SLC25A40: variants seen among roughly 807,000 people sequenced by gnomAD.
SLC25A40 encodes the protein mitochondrial glutathione transporter SLC25A40.
SLC25A40 carries 41 observed loss-of-function variants against 46.5 expected under a neutral mutation model. That is an observed-to-expected ratio of 0.88 (90% CI 0.69 to 1.14). SLC25A40 has a LOEUF of 1.14. SLC25A40 is among the 50% of genes most tolerant of loss of function. The probability of loss-of-function intolerance (pLI) is 0.00; values close to 1 mark genes in which losing one functional copy is unlikely to be tolerated. For synonymous variants in SLC25A40, 126 were observed against 127.5 expected (o/e 0.99, Z 0.08); for missense variants, 386 against 393.6 (o/e 0.98, Z 0.16).
chr7:87,846,159 TTAAAC>T (rs1244378500), intron 8 of SLC25A40, among the ~76,000 whole-genome samples: 1 of 152,136 alleles, frequency 6.6e-6, no homozygotes, highest in African/African-American at 2.4e-5. Context: ...CAAAAATAGG[TTAAAC>T]TAAACAATAT....
intron 1 of SLC25A40, among the ~76,000 whole-genome samples, chr7:87,864,545 T>C (rs1838759170): frequency 6.6e-6 from 1 of 152,242 alleles, no homozygotes. Flanking sequence ...TCTTGCTAAA[T>C]TGACCCCTTT....
At chr7:87,842,037 T>C (rs1387877225) in intron 9 of SLC25A40, 9 of 379,736 alleles carry the variant, frequency 2.4e-5, no homozygotes, top group Non-Finnish European at 4.8e-5. Context: ...TGTGTTCTAT[T>C]ATTCCTTTAC....
At chr7:87,841,521 A>G in intron 10 of SLC25A40, 112 bp downstream of exon 10, 1 of 570,936 alleles carries the variant, frequency 1.8e-6, no homozygotes, top group Non-Finnish European at 2.8e-6. Context: ...AAATACACAA[A>G]GAATAATGCA....
rs759989515 is a variant in SLC25A40, at chr7:87,847,099, G to A, written c.481C>T (p.Pro161Ser). 6.2e-7 allele frequency: 1 copy of A among 1,609,898 alleles called. No individual in the cohort carries two copies. Among genetic ancestry groups the A allele is most frequent in the Non-Finnish European group, 8.5e-7 (1 of 1,178,178 alleles). ...ATCTTGGTTCTAATCAATTCTAGTGGACTTATCACAGTTACTGCACCAACT... is the reference window on the plus strand; with the variant it reads ...ATCTTGGTTCTAATCAATTCTAGTGAACTTATCACAGTTACTGCACCAACT... ...ARFGAVTVISPLELIRTKMQS... is the reference protein window; with the variant it reads ...ARFGAVTVISSLELIRTKMQS... The change falls in exon 8 of 12, where the codon CCA (proline) becomes TCA (serine). Residue 161 changes from proline to serine, a missense_variant. Physicochemically the swap from Pro to Ser is moderately conservative, Grantham distance 74. Transcript: ENST00000341119.
intron 1 of SLC25A40, among the ~76,000 whole-genome samples, chr7:87,864,922 A>C (rs1253107920): frequency 6.7e-6 from 1 of 150,090 alleles, no homozygotes; most frequent in African/African-American, 2.4e-5. Flanking sequence ...TTTGTGGCTA[A>C]GTGATTTTCT....
intron 1 of SLC25A40, among the ~76,000 whole-genome samples, chr7:87,867,614 G>A (rs1838824352): frequency 6.6e-6 from 1 of 152,038 alleles, no homozygotes; most frequent in Non-Finnish European, 1.5e-5. Flanking sequence ...GTCTTTTTGG[G>A]GAGGTCACTG....
At chr7:87,841,496 A>G in intron 10 of SLC25A40, 137 bp downstream of exon 10, 1 of 481,370 alleles carries the variant, frequency 2.1e-6, no homozygotes, top group Non-Finnish European at 3.5e-6. Flanking sequence ...TTCTAACAGT[A>G]TATTACTTTC....
At chr7:87,856,669 T>A (rs1236109698) in intron 3 of SLC25A40, among the ~76,000 whole-genome samples, 3 of 152,140 alleles carry the variant, frequency 2.0e-5, no homozygotes, top group Non-Finnish European at 4.4e-5. Context: ...AAGTAAAAGT[T>A]CCAAAAGACT....
At position 87,849,926 on chromosome 7, in the gene SLC25A40, C is replaced by G; in HGVS notation, c.287G>C (p.Arg96Pro). The G allele has an allele frequency of 6.3e-7, 1 of 1,596,578 alleles. No individual in the cohort carries two copies. The highest frequency in any genetic ancestry group is 8.5e-7 in the Non-Finnish European group (1 of 1,172,460). The change falls in exon 6 of 12, where the codon CGA (arginine) becomes CCA (proline). Residue 96 changes from arginine to proline, a missense_variant. Physicochemically the swap from Arg to Pro is moderately radical, Grantham distance 103. Coordinates refer to ENST00000341119, the MANE Select transcript of SLC25A40 (RefSeq NM_018843.4). ...CCATAGAGATTTAATGCCCTCATTT[C>G]GAATGATTTTAAAAAATGCATCCTA... ...GTLDAFFKII[R>P]NEGIKSLWSG...
intron 1 of SLC25A40, among the ~76,000 whole-genome samples, chr7:87,863,135 G>C (rs1355991065): frequency 2.6e-5 from 4 of 152,032 alleles, no homozygotes; most frequent in Non-Finnish European, 5.9e-5. Flanking sequence ...TGATGTTAAG[G>C]CATGTATACT....
At chr7:87,860,715 C>T (rs1838683214) in intron 1 of SLC25A40, 75 bp from the exon 2 acceptor site, 1 of 152,080 alleles carries the variant, frequency 6.6e-6, no homozygotes, top group African/African-American at 2.4e-5. Context: ...GAAAAGAGTA[C>T]ATAAAAACTT....
At chr7:87,856,246 A>T (rs762796022) in intron 4 of SLC25A40, 46 bp downstream of exon 4, 2 of 1,449,314 alleles carry the variant, frequency 1.4e-6, no homozygotes, top group Non-Finnish European at 1.9e-6. Context: ...CCACAGGAAC[A>T]TTTAAAAATC....
chr7:87,869,536 CAA>C (rs57979424), intron 1 of SLC25A40, among the ~76,000 whole-genome samples: 6 of 135,910 alleles, frequency 4.4e-5, no homozygotes, highest in African/African-American at 2.7e-5. Context: ...GACCCTGTTC[CAA>C]AAAAAAAAAA....
At chr7:87,872,819 G>A (rs1838914566) in intron 1 of SLC25A40, among the ~76,000 whole-genome samples, 1 of 152,100 alleles carries the variant, frequency 6.6e-6, no homozygotes, top group Non-Finnish European at 1.5e-5. Flanking sequence ...AAAATTAGCT[G>A]GGCATGGTGG....
intron 3 of SLC25A40, among the ~76,000 whole-genome samples, chr7:87,858,134 A>G (rs1473267085): frequency 1.3e-5 from 2 of 152,152 alleles, no homozygotes; most frequent in African/African-American, 2.4e-5. Context: ...GTCAGACTGG[A>G]TCTCTGCTCT....
intron 6 of SLC25A40, among the ~76,000 whole-genome samples, chr7:87,848,843 C>G (rs1838462294): frequency 1.3e-5 from 2 of 152,156 alleles, no homozygotes; most frequent in South Asian, 4.1e-4. Flanking sequence ...ATATGGTGGA[C>G]TTTGCTGCTG....
intron 10 of SLC25A40, among the ~76,000 whole-genome samples, chr7:87,838,887 T>C (rs1838292660): frequency 6.6e-6 from 1 of 151,714 alleles, no homozygotes; most frequent in South Asian, 2.1e-4. Context: ...ATTTTATTCA[T>C]TTTAATTGCT....
Position 87,858,647 on chromosome 7 carries a change from T to C in SLC25A40, c.81A>G (p.Ile27Met), listed in dbSNP as rs1243378289. ...QQMLASCTGA[I>M]LTSVIVTPLD... ...TAATTTTACCTATTACTGATGTCAG[T>C]ATAGCTCCAGTACATGAGGCAAGCA... The change falls in exon 3 of 12, where the codon ATA (isoleucine) becomes ATG (methionine). Residue 27 changes from isoleucine to methionine, a missense_variant. Physicochemically the swap from Ile to Met is conservative, Grantham distance 10. Coordinates refer to ENST00000341119, the MANE Select transcript of SLC25A40 (RefSeq NM_018843.4). 1.3e-6 allele frequency: 2 copies of C among 1,596,212 alleles called. No homozygotes were observed. The highest frequency in any genetic ancestry group is 2.2e-5 in the East Asian group (1 of 44,828).
intron 2 of SLC25A40, 131 bp from the exon 3 acceptor site, chr7:87,858,882 T>C: frequency 1.6e-6 from 1 of 611,798 alleles, no homozygotes; most frequent in Non-Finnish European, 2.9e-6. Flanking sequence ...AAACAGATAC[T>C]GACAGAATGA....
Sources: gnomAD v4.1 joint callset for allele counts (sites outside exome capture counted in the v4.1 genomes callset) on GRCh38, gnomAD v4.1.1 for gene constraint, MANE v1.5 for transcripts, NCBI Gene and HGNC (gene_info 2026-07-23, HGNC 2026-07-21) for gene names.